The following RPAP2 variants were observed in gnomAD, a reference collection of about 807,000 sequenced individuals.
The protein encoded by RPAP2 is putative RNA polymerase II subunit B1 CTD phosphatase RPAP2.
RPAP2 carries 52 observed loss-of-function variants against 73.1 expected under a neutral mutation model. That is an observed-to-expected ratio of 0.71 (90% CI 0.57 to 0.90). The LOEUF (loss-of-function observed/expected upper bound fraction) is 0.90, where lower values mean the gene tolerates loss of function less well. Among genes scored for constraint, RPAP2 ranks in the 40% least tolerant of loss-of-function variants. The pLI is 0.00. For synonymous variants in RPAP2, 225 were observed against 242.1 expected, an observed-to-expected ratio of 0.93 and a Z score of 0.65; for missense variants, 598 against 701.8, an observed-to-expected ratio of 0.85 and a Z score of 1.67.
chr1:92,370,936 A>G (rs983147448), intron 11 of RPAP2, among the ~76,000 whole-genome samples: 8 of 152,348 alleles, frequency 5.3e-5, no homozygotes, highest in Middle Eastern at 3.4e-3. Flanking sequence ...TACCTGGAAA[A>G]GGGAACCCTT....
At chr1:92,306,650 C>G (rs1052338009) in intron 5 of RPAP2, among the ~76,000 whole-genome samples, 5 of 151,928 alleles carry the variant, frequency 3.3e-5, no homozygotes, top group African/African-American at 1.2e-4. Context: ...TAGAGACCAG[C>G]CTGGGCAACA....
At chr1:92,371,686 G>A (rs1466252563) in intron 11 of RPAP2, among the ~76,000 whole-genome samples, 1 of 151,582 alleles carries the variant, frequency 6.6e-6, no homozygotes, top group East Asian at 1.9e-4. Context: ...AATAAGCCAG[G>A]CACAAATACA....
intron 11 of RPAP2, among the ~76,000 whole-genome samples, chr1:92,369,428 G>A (rs1464631919): frequency 6.6e-6 from 1 of 152,124 alleles, no homozygotes; most frequent in Non-Finnish European, 1.5e-5. Flanking sequence ...TCCCACCTCA[G>A]CCTCTTGTTG....
Position 92,307,198 on chromosome 1 carries a change from G to A in RPAP2, c.410G>A (p.Ser137Asn). The A allele has an allele frequency of 6.2e-7, 1 of 1,609,716 alleles. No homozygotes were observed. Among genetic ancestry groups the A allele is most frequent in the East Asian group, 2.2e-5 (1 of 44,736 alleles). The change falls in exon 6 of 13, where the codon AGC becomes AAC. Residue 137 changes from serine to asparagine, a missense_variant. Around this residue, in one of 3 missense-constraint regions of RPAP2, gnomAD observed 506 missense variants for 612.8 expected, o/e 0.83. Transcript: ENST00000610020. ...TAATGTTCTTTTCAGTCTTTTTGCA[G>A]CAATTTTTGTTATCAAGCATCTAAG... Reference protein sequence around the residue: ...YDITERKSFCSNFCYQASKFF... With the variant: ...YDITERKSFCNNFCYQASKFF...
intron 10 of RPAP2, among the ~76,000 whole-genome samples, chr1:92,342,939 G>A (rs1045831595): frequency 8.5e-5 from 13 of 152,192 alleles, no homozygotes; most frequent in Non-Finnish European, 1.8e-4. Flanking sequence ...CCAAGTAGAA[G>A]TGTCAAGTGG....
chr1:92,326,286 T>G (rs1041332360), intron 8 of RPAP2, among the ~76,000 whole-genome samples: 16 of 152,232 alleles, frequency 1.1e-4, no homozygotes, highest in Non-Finnish European at 1.8e-4. Context: ...ATTTGCTTAT[T>G]GACCACTTGG....
At chr1:92,330,166 T>C (rs1652876693) in intron 8 of RPAP2, among the ~76,000 whole-genome samples, 1 of 152,298 alleles carries the variant, frequency 6.6e-6, no homozygotes, top group Non-Finnish European at 1.5e-5. Flanking sequence ...AGGAAGCCCA[T>C]TGATGCAGCC....
chr1:92,372,356 G>A (rs950221378), intron 11 of RPAP2, among the ~76,000 whole-genome samples: 5 of 152,132 alleles, frequency 3.3e-5, no homozygotes, highest in Admixed American at 1.3e-4. Flanking sequence ...TAAAGCTAAC[G>A]CCTAAGCCTG....
rs775246472 is a variant in RPAP2, at chr1:92,301,587, G to A, written c.231G>A (p.Glu77=). ...EENITEEFLM[E]CGRFITPAHY... is the part of the protein sequence containing the mutation. ...ATATTACAGAAGAGTTCCTAATGGAGTGTGTATGTGTTAAGTTGACAAATT... is the reference window on the plus strand; with the variant it reads ...ATATTACAGAAGAGTTCCTAATGGAATGTGTATGTGTTAAGTTGACAAATT... Residue 77 remains glutamate, a synonymous_variant, in exon 3 of 13, where the codon GAG becomes GAA. Transcript: ENST00000610020. The A allele has an allele frequency of 1.5e-6, 2 of 1,302,534 alleles. No homozygotes were observed. Among genetic ancestry groups the A allele is most frequent in the East Asian group, 2.6e-5 (1 of 38,652 alleles). The allele number at this position is 1,302,534 out of a possible 1,614,324, so 80.7% of individuals were successfully genotyped here.
Position 92,348,135 on chromosome 1 carries a change from C to T in RPAP2, c.1688+2221C>T, listed in dbSNP as rs913609981. Among the ~76,000 whole-genome samples, 11 of 152,102 alleles carry T rather than the reference C, an allele frequency of 7.2e-5. 1 individual carries two copies. Among genetic ancestry groups the T allele is most frequent in the South Asian group, 4.1e-4 (2 of 4,820 alleles). On this transcript the variant is annotated intron_variant, in intron 11 of 12. Transcript: ENST00000610020. ...CGAACTCCTGACCTTGTGATCCACC[C>T]GCCTCGGCCTCCCAAAGTGCTGTGA...
chr1:92,378,307 C>G (rs368663735), intron 11 of RPAP2, among the ~76,000 whole-genome samples: 73 of 152,244 alleles, frequency 4.8e-4, no homozygotes, highest in African/African-American at 1.6e-3. Context: ...TGGGTTCAAG[C>G]GATTCTCCTA....
chr1:92,359,876 T>C (rs908640779), intron 11 of RPAP2, among the ~76,000 whole-genome samples: 35 of 152,060 alleles, frequency 2.3e-4, no homozygotes, highest in African/African-American at 8.0e-4. Context: ...AGGCCAAGGA[T>C]GCCTGAAGAA....
At chr1:92,326,554 C>T (rs752840669) in intron 8 of RPAP2, among the ~76,000 whole-genome samples, 12 of 152,104 alleles carry the variant, frequency 7.9e-5, no homozygotes, top group South Asian at 4.1e-4. Context: ...CTTCAGCTAC[C>T]GGAGTGGGTA....
At chr1:92,366,012 G>T (rs2046616) in intron 11 of RPAP2, among the ~76,000 whole-genome samples, 1 of 151,998 alleles carries the variant, frequency 6.6e-6, no homozygotes, top group Non-Finnish European at 1.5e-5. Context: ...TGGAAATCAC[G>T]ATAGCTTCTT....
rs568209388 is a variant in RPAP2 at position 92,320,712 on chromosome 1, G to A, written c.524+78G>A. The A allele has an allele frequency of 6.2e-6, 7 of 1,131,804 alleles. No homozygotes were observed. In the South Asian group the frequency reaches 9.8e-5, roughly 16 times the overall value. The allele number at this position is 1,131,804 out of a possible 1,614,324, so 70.1% of individuals were successfully genotyped here. On this transcript the variant is annotated intron_variant, in intron 7 of 12. Coordinates refer to ENST00000610020, the MANE Select transcript of RPAP2 (RefSeq NM_024813.3). ...ATTAGGAGTGAACCAGGTGATATGA[G>A]CTCTTGGACTTCCTGTGCTGATGCA... is the stretch of plus-strand genomic sequence containing the variant.
rs921161914 is a variant in RPAP2, at chr1:92,323,496, A to C, written c.576A>C (p.Ser192=). 14 of 1,613,218 alleles carry C rather than the reference A, an allele frequency of 8.7e-6. No homozygotes were observed. The highest frequency in any genetic ancestry group is 1.6e-4 in the Middle Eastern group (1 of 6,082). The change falls in exon 8 of 13, where the codon TCA becomes TCC. Residue 192 remains serine (S), a synonymous_variant. Transcript: ENST00000610020. ...VQLCSKAIKT[S]DIDNPSHFEK... ...TATGCAGTAAAGCCATTAAAACATC[A>C]GATATCGACAATCCTAGCCACTTTG...
chr1:92,345,979 A>G (rs1451984779), intron 11 of RPAP2, 65 bp downstream of exon 11: 2 of 1,120,806 alleles, frequency 1.8e-6, no homozygotes, highest in African/African-American at 3.1e-5. Context: ...AGGGAAAAAC[A>G]AAGTGATCCA....
chr1:92,384,642 A>G (rs1655790117), intron 12 of RPAP2, among the ~76,000 whole-genome samples: 1 of 151,580 alleles, frequency 6.6e-6, no homozygotes, highest in African/African-American at 2.4e-5. Context: ...AAAAAAAGGA[A>G]TTAGCACTGT....
At chr1:92,381,033 C>T (rs769433735) in intron 12 of RPAP2, among the ~76,000 whole-genome samples, 160 bp downstream of exon 12, 3 of 152,112 alleles carry the variant, frequency 2.0e-5, no homozygotes, top group Non-Finnish European at 2.9e-5. Flanking sequence ...TCAACTGCCT[C>T]AGTCACTTCC....
Sources: gnomAD v4.1 joint callset for allele counts (sites outside exome capture counted in the v4.1 genomes callset) on GRCh38, gnomAD v4.1.1 for gene constraint, gnomAD v4.1.1 regional missense constraint, MANE v1.5 for transcripts, NCBI Gene and HGNC (gene_info 2026-07-23, HGNC 2026-07-21) for gene names.